Variants in CHM observed in about 807,000 individuals in gnomAD.
CHM encodes CHM Rab escort protein.
Under a neutral mutation model 49.0 loss-of-function variants are expected in CHM, and 10 were observed. The observed-to-expected ratio is 0.20, with a 90% confidence interval of 0.13 to 0.35. The LOEUF (loss-of-function observed/expected upper bound fraction) is 0.35. Ranked by LOEUF, CHM falls within the 10% of genes least tolerant of loss-of-function variation. The pLI, the probability that CHM is intolerant of heterozygous loss-of-function variation, is 1.00. For synonymous variants in CHM, 184 were observed against 167.5 expected, an observed-to-expected ratio of 1.10 and a Z score of -0.76; for missense variants, 455 against 478.4, an observed-to-expected ratio of 0.95 and a Z score of 0.46.
chrX:85,956,176 T>C lies in CHM; in HGVS notation c.1143A>G (p.Gly381=). The C allele has an allele frequency of 2.5e-6, 3 of 1,210,920 alleles. No individual in the cohort carries two copies. In the South Asian group the frequency reaches 5.3e-5, roughly 21 times the overall value. The change falls in exon 8 of 15, where the codon GGA becomes GGG. Residue 381 remains glycine (G), a synonymous_variant. Coordinates refer to ENST00000357749, the MANE Select transcript of CHM (RefSeq NM_000390.4). The part of the protein sequence containing the change: ...TPFLFPLYGQ[G]ELPQCFCRMC... ...ACCTGCAGAAACACTGGGGGAGTTC[T>C]CCTTGGCCATATAAAGGAAACAAAA...
chrX:85,867,043 T>C (rs1923745496), intron 14 of CHM, among the ~76,000 whole-genome samples: 1 of 111,846 alleles, frequency 8.9e-6, no homozygotes, highest in Admixed American at 9.5e-5. Context: ...TGGGAAGGGA[T>C]GATTGGTTTT....
At chrX:85,921,097 A>G (rs989969804) in intron 8 of CHM, among the ~76,000 whole-genome samples, 4 of 112,104 alleles carry the variant, frequency 3.6e-5, no homozygotes, top group African/African-American at 1.3e-4. Context: ...CTTGTAATCC[A>G]TATTTTAAAA....
chrX:86,028,122 A>G (rs1207302658), intron 1 of CHM, among the ~76,000 whole-genome samples: 1 of 112,304 alleles, frequency 8.9e-6, no homozygotes, highest in African/African-American at 3.2e-5. Context: ...TTTTAAAAGT[A>G]CTTACAATCT....
intron 1 of CHM, among the ~76,000 whole-genome samples, chrX:86,039,114 G>A (rs1349496354): frequency 8.9e-6 from 1 of 112,093 alleles, no homozygotes; most frequent in African/African-American, 3.2e-5. Flanking sequence ...CATTGTAGGG[G>A]CTTATCACCG....
chrX:86,042,822 C>CAA (rs200696825), intron 1 of CHM, among the ~76,000 whole-genome samples: 46 of 104,586 alleles, frequency 4.4e-4, no homozygotes, highest in African/African-American at 1.4e-3. Flanking sequence ...GACCCTGTCT[C>CAA]AAAAAAAAAA....
intron 14 of CHM, 138 bp downstream of exon 14, chrX:85,872,914 G>T: frequency 2.0e-6 from 1 of 509,636 alleles, no homozygotes. Context: ...GTAGGTCATA[G>T]AAAAAACTTT....
intron 1 of CHM, among the ~76,000 whole-genome samples, chrX:86,036,305 TG>T (rs796785919): frequency 2.7e-5 from 3 of 110,371 alleles, no homozygotes; most frequent in African/African-American, 6.6e-5. Context: ...TCAAAGCTGG[TG>T]GGGGGGGAAG....
chrX:85,922,718 T>C (rs1927864770), intron 8 of CHM, among the ~76,000 whole-genome samples: 1 of 111,993 alleles, frequency 8.9e-6, no homozygotes, highest in African/African-American at 3.2e-5. Context: ...TCAAACCAAG[T>C]TGGGGATGAT....
chrX:85,939,555 T>C lies in CHM; in HGVS notation c.1166+16598A>G, dbSNP rs919408992. Among the ~76,000 whole-genome samples the C allele has an allele frequency of 2.7e-5, 3 of 112,456 alleles. No individual in the cohort carries two copies. In the East Asian group the frequency reaches 8.4e-4, roughly 31 times the overall value. ...ATGTACTCATTTATACACAGTTACC[T>C]GTACAAGCATGTAAAATGTAGGAAG... On this transcript the variant is annotated intron_variant, in intron 8 of 14. Transcript: ENST00000357749.
intron 8 of CHM, among the ~76,000 whole-genome samples, chrX:85,953,042 T>A (rs1443124540): frequency 1.8e-5 from 2 of 112,443 alleles, no homozygotes; most frequent in Non-Finnish European, 3.8e-5. Flanking sequence ...AAAGACCCCA[T>A]CAAAAACCTA....
chrX:86,016,167 GC>G (rs1243172075), intron 2 of CHM, among the ~76,000 whole-genome samples: 2 of 110,964 alleles, frequency 1.8e-5, no homozygotes, highest in African/African-American at 6.6e-5. Context: ...TGACTCACGT[GC>G]CGTTAAAGGC....
intron 2 of CHM, among the ~76,000 whole-genome samples, chrX:85,987,245 A>G (rs1197890435): frequency 2.7e-5 from 3 of 112,442 alleles, no homozygotes; most frequent in Admixed American, 9.4e-5. Flanking sequence ...ATATTTCAGG[A>G]TATCTTCCAT....
rs182786104 is a variant in CHM, at chrX:85,973,158, G to A, written c.314+5609C>T. On this transcript the variant is annotated intron_variant, in intron 4 of 14. Coordinates refer to ENST00000357749, the MANE Select transcript of CHM (RefSeq NM_000390.4). ...TACTAAAAATACAAAAATTAGCTGC[G>A]CATGGTGGCACGTGCCTGTAGTCCC... Among the ~76,000 whole-genome samples, 50 of 106,688 alleles carry A rather than the reference G, an allele frequency of 4.7e-4. No homozygotes were observed. The East Asian group carries it at 0.011, about 25-fold the overall frequency. The allele number at this position is 106,688 out of a possible 115,157, so 92.6% of individuals were successfully genotyped here.
chrX:85,980,085 A>AT (rs1373144564), intron 3 of CHM, among the ~76,000 whole-genome samples: 1 of 111,691 alleles, frequency 9.0e-6, no homozygotes, highest in African/African-American at 3.3e-5. Context: ...CAAGAAAAAC[A>AT]TTTTTATTTG....
At chrX:86,046,135 G>T (rs1222378539) in intron 1 of CHM, among the ~76,000 whole-genome samples, 4 of 112,265 alleles carry the variant, frequency 3.6e-5, no homozygotes, top group Non-Finnish European at 5.6e-5. Context: ...GAGGCTCAGA[G>T]AGATTTAGTG....
chrX:85,992,699 C>A (rs747456069), intron 2 of CHM, among the ~76,000 whole-genome samples: 1 of 111,850 alleles, frequency 8.9e-6, no homozygotes, highest in East Asian at 2.8e-4. Context: ...GAGAGGAAGA[C>A]CAGGATCTTA....
intron 2 of CHM, among the ~76,000 whole-genome samples, chrX:86,002,049 G>A (rs763865051): frequency 8.2e-4 from 91 of 111,176 alleles, no homozygotes; most frequent in Non-Finnish European, 1.5e-3. Context: ...TCAAGCTAGC[G>A]ATGAGTTTTA....
intron 8 of CHM, among the ~76,000 whole-genome samples, chrX:85,951,887 A>G (rs2147656393): frequency 8.9e-6 from 1 of 112,159 alleles, no homozygotes; most frequent in South Asian, 3.7e-4. Flanking sequence ...CATGGTGTGG[A>G]AAGAGAAATC....
chrX:85,941,494 G>T (rs1603257459), intron 8 of CHM, among the ~76,000 whole-genome samples: 2 of 111,550 alleles, frequency 1.8e-5, no homozygotes, highest in African/African-American at 6.5e-5. Flanking sequence ...CAAATACTTA[G>T]TGCATGACTA....
Sources: allele counts gnomAD v4.1 joint callset (sites outside exome capture counted in the v4.1 genomes callset), GRCh38; gene constraint gnomAD v4.1.1; transcripts MANE v1.5; gene names NCBI Gene and HGNC (gene_info 2026-07-23, HGNC 2026-07-21).